The following RPE65 variants were observed in gnomAD, a reference collection of about 807,000 sequenced individuals.
RPE65 encodes the protein retinoid isomerohydrolase RPE65.
A neutral mutation model predicts 68.5 loss-of-function variants in RPE65; 58 were observed. That is an observed-to-expected ratio of 0.85 (90% confidence interval 0.69 to 1.05). The LOEUF (loss-of-function observed/expected upper bound fraction) is 1.05, where lower values mean the gene tolerates loss of function less well. RPE65 is among the 50% of genes least tolerant of loss of function. The pLI, the probability that RPE65 is intolerant of heterozygous loss-of-function variation, is 0.00. For synonymous variants in RPE65, 220 were observed against 222.2 expected (o/e 0.99, Z 0.09); for missense variants, 643 against 629.9 (o/e 1.02, Z -0.22).
chr1:68,449,877 TC>T lies in RPE65; in HGVS notation c.11+17del. The T allele has an allele frequency of 1.2e-6, 2 of 1,613,796 alleles. No homozygotes were observed. The highest frequency in any genetic ancestry group is 1.7e-6 in the Non-Finnish European group (2 of 1,179,768). ...AATCCATGAAGGTGTTTTAAAAAAG[TC>T]TCCCAGAGATACTTACTGGATAGAC... On this transcript the variant is annotated intron_variant, in intron 1 of 13. Coordinates refer to ENST00000262340, the MANE Select transcript of RPE65 (RefSeq NM_000329.3).
In RPE65 at chr1:68,439,018, G is replaced by A. The variant is rs1196303805; in HGVS notation, c.922C>T (p.Pro308Ser). Residue 308 changes from proline to serine, a missense_variant, in exon 9 of 14, where the codon CCT (proline) becomes TCT (serine). Transcript: ENST00000262340. ...TTGATGTGATGGAAGAGGTTGAAAG[G>A]AGAAGTTCTGTATTTATTATTGAGG... ...KYLNNKYRTS[P>S]FNLFHHINTY... 8 of 1,613,964 alleles carry A rather than the reference G, an allele frequency of 5.0e-6. No homozygotes were observed. Among genetic ancestry groups the A allele is most frequent in the Admixed American group, 1.7e-5 (1 of 60,002 alleles).
intron 2 of RPE65, among the ~76,000 whole-genome samples, chr1:68,447,782 G>A (rs1342098013): frequency 6.6e-6 from 1 of 152,108 alleles, no homozygotes; most frequent in African/African-American, 2.4e-5. Context: ...CCCATGAGGC[G>A]GAGCTTGCAG....
Position 68,433,005 on chromosome 1 carries a change from T to C in RPE65, c.1129-1420A>G, listed in dbSNP as rs189893338. On this transcript the variant is annotated intron_variant, in intron 10 of 13. Transcript: ENST00000262340. ...ACACCAAGGTGTTTGACCTGTACAATGTTGATGTCACAACAAAGATAGGAA... is the reference window on the plus strand; with the variant it reads ...ACACCAAGGTGTTTGACCTGTACAACGTTGATGTCACAACAAAGATAGGAA... 1.1e-3 allele frequency among the ~76,000 whole-genome samples: 163 copies of C among 152,252 alleles called. 1 individual carries two copies. The highest frequency in any genetic ancestry group is 3.9e-3 in the African/African-American group (162 of 41,564).
chr1:68,448,974 T>G (rs532423328), intron 1 of RPE65, among the ~76,000 whole-genome samples: 3 of 152,218 alleles, frequency 2.0e-5, no homozygotes, highest in Non-Finnish European at 4.4e-5. Flanking sequence ...ACATGACCTC[T>G]CTTTTAATGT....
chr1:68,444,564 C>G lies in RPE65; in HGVS notation c.462G>C (p.Lys154Asn), dbSNP rs2100827532. The change falls in exon 5 of 14, where the codon AAG (lysine) becomes AAC (asparagine). Residue 154 changes from lysine to asparagine, a missense_variant. Transcript: ENST00000262340. ...YACTETNFIT[K>N]INPETLETIK... is the part of the protein sequence containing the mutation. Reference sequence around the variant, plus strand: ...TTGTCTCCAAGGTCTCTGGATTAATCTTTGTAATAAAGTTGGTCTCTGTGC... The same window carrying G: ...TTGTCTCCAAGGTCTCTGGATTAATGTTTGTAATAAAGTTGGTCTCTGTGC... 2 of 1,614,158 alleles carry G rather than the reference C, an allele frequency of 1.2e-6. No individual in the cohort carries two copies. The highest frequency in any genetic ancestry group is 1.1e-5 in the South Asian group (1 of 91,070).
rs75886344 is a variant in RPE65 at position 68,446,878 on chromosome 1, C to G, written c.95-18G>C. 2.5e-6 allele frequency: 4 copies of G among 1,612,788 alleles called. No individual in the cohort carries two copies. In the South Asian group the frequency reaches 4.4e-5, roughly 18 times the overall value. ...GATCCTGCCTGTGATGAAGGGGAGA[C>G]AGAACATTGCTTCTTATCCCTGCCT... On this transcript the variant is annotated intron_variant, in intron 2 of 13. Transcript: ENST00000262340.
chr1:68,430,004 A>G, intron 13 of RPE65, 77 bp from the exon 14 acceptor site: 1 of 1,557,796 alleles, frequency 6.4e-7, no homozygotes, highest in Non-Finnish European at 8.8e-7. Flanking sequence ...TTGAAATAAT[A>G]TAGGAGGTAT....
rs1483568414 is a variant in RPE65, at chr1:68,439,637, C to G, written c.649G>C (p.Glu217Gln). The part of the protein sequence containing the change: ...VKIPPLQADK[E>Q]DPISKSEIVV... The stretch of plus-strand genomic sequence containing the variant: ...ATCTCTGACTTGCTTATTGGATCTT[C>G]CTTGTCTGAAATAAAGTGGTTTTAA... The change falls in exon 7 of 14, where the codon GAA becomes CAA. Residue 217 changes from glutamate (E) to glutamine (Q), a missense_variant. Transcript: ENST00000262340. The G allele has an allele frequency of 6.2e-7, 1 of 1,613,536 alleles. No individual in the cohort carries two copies. The highest frequency in any genetic ancestry group is 1.1e-5 in the South Asian group (1 of 91,076).
intron 2 of RPE65, 46 bp from the exon 3 acceptor site, chr1:68,446,906 G>A: frequency 6.2e-7 from 1 of 1,611,928 alleles, no homozygotes; most frequent in Non-Finnish European, 8.5e-7. Context: ...CCCTGCCTTG[G>A]GCTAGGCTTG....
rs747036331 is a variant in RPE65, at chr1:68,440,861, A to C, written c.635T>G (p.Leu212Arg). The C allele has an allele frequency of 6.2e-7, 1 of 1,614,006 alleles. No individual in the cohort carries two copies. The highest frequency in any genetic ancestry group is 8.5e-7 in the Non-Finnish European group (1 of 1,179,868). The part of the protein sequence containing the change: ...IAYNIVKIPP[L>R]QADKEDPISK... ...CAGATTGGTAAACTCACCTGCTTGC[A>C]GTGGTGGGATCTTTACAATGTTGTA... Residue 212 changes from leucine to arginine, a missense_variant, in exon 6 of 14, where the codon CTG (leucine) becomes CGG (arginine). Physicochemically the swap from Leu to Arg is moderately radical, Grantham distance 102. Coordinates refer to ENST00000262340, the MANE Select transcript of RPE65 (RefSeq NM_000329.3).
At position 68,440,995 on chromosome 1, in the gene RPE65, A is replaced by G. The variant is rs2100821961; in HGVS notation, c.501T>C (p.Asp167=). ...CATTGACAGAGACATAGTTGCAAAG[A>G]TCAACCTACGGAAGTAAAGTGAATG... ...PETLETIKQV[D]LCNYVSVNGA... The change falls in exon 6 of 14, where the codon GAT becomes GAC. Residue 167 remains aspartate (D), a synonymous_variant. Coordinates refer to ENST00000262340, the MANE Select transcript of RPE65 (RefSeq NM_000329.3). 1 of 1,613,834 alleles carries G rather than the reference A, an allele frequency of 6.2e-7. No homozygotes were observed.
rs61752890 is a variant in RPE65 at position 68,440,848 on chromosome 1, C to T, written c.643+5G>A. On this transcript the variant is annotated splice_donor_5th_base_variant and intron_variant, in intron 6 of 13. Transcript: ENST00000262340. ...TTTCAGAAGAGGACAGATTGGTAAA[C>T]TCACCTGCTTGCAGTGGTGGGATCT... 1.2e-6 allele frequency: 2 copies of T among 1,613,924 alleles called. No individual in the cohort carries two copies. The highest frequency in any genetic ancestry group is 1.1e-5 in the South Asian group (1 of 91,066).
Position 68,439,269 on chromosome 1 carries a change from GTTAAT to G in RPE65, c.775_779del (p.Ile259ProfsTer20), listed in dbSNP as rs1477870842. ...TCCATGAAGAAAGGAACTTGAACAG[GTTAAT>G]TTTGACTGGTGTCTCCACAAAAACG... On this transcript the variant is annotated frameshift_variant, in exon 8 of 14. Transcript: ENST00000262340. LOFTEE classifies it high-confidence loss of function. 6 of 1,613,864 alleles carry G rather than the reference GTTAAT, an allele frequency of 3.7e-6. No individual in the cohort carries two copies. The highest frequency in any genetic ancestry group is 5.1e-6 in the Non-Finnish European group (6 of 1,179,970).
intron 10 of RPE65, among the ~76,000 whole-genome samples, chr1:68,434,173 T>G (rs1323513745): frequency 7.0e-6 from 1 of 143,560 alleles, no homozygotes; most frequent in Non-Finnish European, 1.5e-5. Context: ...TTAGATAAAA[T>G]GAGATGAAAA....
intron 5 of RPE65, among the ~76,000 whole-genome samples, chr1:68,443,956 A>AG (rs1245303182): frequency 2.6e-5 from 4 of 152,204 alleles, no homozygotes; most frequent in African/African-American, 9.6e-5. Flanking sequence ...ATCTATAAGA[A>AG]GGGGCAAATT....
At chr1:68,442,331 T>C (rs1645909468) in intron 5 of RPE65, among the ~76,000 whole-genome samples, 1 of 152,180 alleles carries the variant, frequency 6.6e-6, no homozygotes, top group Non-Finnish European at 1.5e-5. Flanking sequence ...GGAATCCTAA[T>C]GTAAATGCAT....
chr1:68,439,657 T>C lies in RPE65; in HGVS notation c.644-15A>G. 6.2e-7 allele frequency: 1 copy of C among 1,611,294 alleles called. No individual in the cohort carries two copies. Among genetic ancestry groups the C allele is most frequent in the Non-Finnish European group, 8.5e-7 (1 of 1,177,496 alleles). ...ATCTTCCTTGTCTGAAATAAAGTGG[T>C]TTTAAAAGGCTTTGGAAGAGCCTCT... On this transcript the variant is annotated splice_polypyrimidine_tract_variant and intron_variant, in intron 6 of 13. Coordinates refer to ENST00000262340, the MANE Select transcript of RPE65 (RefSeq NM_000329.3).
In RPE65 at chr1:68,429,849, A is replaced by C. The variant is rs1173697304; in HGVS notation, c.1529T>G (p.Leu510Ter). The part of the protein sequence containing the change: ...AYLLILNAKD[L>*]SEVARAEVEI... ...CACTTCAGCCCGGGCAACTTCACTT[A>C]AGTCCTTGGCATTCAGAATCAGGAG... is the stretch of plus-strand genomic sequence containing the variant. The change falls in exon 14 of 14, where the codon TTA (leucine) becomes TGA (stop). Residue 510 changes from leucine to a stop codon, truncating the protein, a stop_gained. Transcript: ENST00000262340. LOFTEE classifies it high-confidence loss of function. 1 of 1,613,730 alleles carries C rather than the reference A, an allele frequency of 6.2e-7. No homozygotes were observed. The highest frequency in any genetic ancestry group is 2.2e-5 in the East Asian group (1 of 44,890).
At position 68,431,265 on chromosome 1, in the gene RPE65, T is replaced by A. The variant is rs758284944; in HGVS notation, c.1338+17A>T. On this transcript the variant is annotated intron_variant, in intron 12 of 13. Coordinates refer to ENST00000262340, the MANE Select transcript of RPE65 (RefSeq NM_000329.3). ...ACTCAAAGCACTGTTCAAATATTAGTAAGAAGGATTAATTACCCTATCTGG... is the reference window on the plus strand; with the variant it reads ...ACTCAAAGCACTGTTCAAATATTAGAAAGAAGGATTAATTACCCTATCTGG... 17 of 1,612,242 alleles carry A rather than the reference T, an allele frequency of 1.1e-5. No individual in the cohort carries two copies. In the South Asian group the frequency reaches 1.5e-4, roughly 15 times the overall value.
Sources: gnomAD v4.1 joint callset for allele counts (sites outside exome capture counted in the v4.1 genomes callset) on GRCh38, gnomAD v4.1.1 for gene constraint, MANE v1.5 for transcripts, NCBI Gene and HGNC (gene_info 2026-07-23, HGNC 2026-07-21) for gene names.